Variants in PTPRD observed in about 807,000 individuals in gnomAD.
PTPRD encodes the protein protein tyrosine phosphatase receptor type D.
Under a neutral mutation model 214.5 loss-of-function variants are expected in PTPRD, and 34 were observed. The ratio of observed to expected loss-of-function variants is 0.16; its 90% CI spans 0.12 to 0.21. The LOEUF is 0.21. Among genes scored for constraint, PTPRD ranks in the 10% least tolerant of loss-of-function variants. PTPRD has a pLI of 1.00. For missense variants in PTPRD, 2,545 were observed against 2,398.7 expected, an observed-to-expected ratio of 1.06 and a Z score of -1.27; for synonymous variants, 1,128 against 845.7, an observed-to-expected ratio of 1.33 and a Z score of -5.79.
At chr9:10,602,093 T>C (rs1230895476) in intron 2 of PTPRD, among the ~76,000 whole-genome samples, 1 of 151,822 alleles carries the variant, frequency 6.6e-6, no homozygotes, top group Non-Finnish European at 1.5e-5. Flanking sequence ...CCGATTTTTG[T>C]ATGTATTTTA....
intron 37 of PTPRD, among the ~76,000 whole-genome samples, chr9:8,380,839 G>A (rs543636125): frequency 2.0e-5 from 3 of 151,870 alleles, no homozygotes; most frequent in Non-Finnish European, 2.9e-5. Context: ...CTTAATGAGC[G>A]GTAGCCAACT....
At chr9:10,050,416 C>T (rs570330288) in intron 3 of PTPRD, among the ~76,000 whole-genome samples, 1 of 151,154 alleles carries the variant, frequency 6.6e-6, no homozygotes, top group African/African-American at 2.4e-5. Flanking sequence ...AAAAACTAGC[C>T]AGGCGTGGTG....
intron 6 of PTPRD, among the ~76,000 whole-genome samples, chr9:9,763,379 C>G (rs1464141416): frequency 2.0e-5 from 3 of 152,036 alleles, no homozygotes; most frequent in South Asian, 4.1e-4. Flanking sequence ...CCATATGTAT[C>G]TGTTTTACAT....
Position 8,331,567 on chromosome 9 carries a change from C to CAAATGGAAACTTA in PTPRD, c.5534+2_5534+14dup. ...CCACCACTTATCACTGCTTTATTCACAAATGGAAACTTACCTGCAATGGAC... is the reference window on the plus strand; with the variant it reads ...CCACCACTTATCACTGCTTTATTCACAAATGGAAACTTAAAATGGAAACTTACCTGCAATGGAC... On this transcript the variant is annotated intron_variant, in intron 44 of 45. Transcript: ENST00000381196. 21 of 870,822 alleles carry CAAATGGAAACTTA rather than the reference C, an allele frequency of 2.4e-5. No homozygotes were observed. Among genetic ancestry groups the CAAATGGAAACTTA allele is most frequent in the Non-Finnish European group, 3.1e-5 (21 of 679,710 alleles). 53.9% of individuals were successfully genotyped at this position (870,822 alleles called of 1,614,324 possible). A position where few individuals can be genotyped will look rare whatever the true frequency, so the allele number is the denominator to read the frequency against.
At position 10,383,936 on chromosome 9, in the gene PTPRD, A is replaced by G. The variant is rs369869379; in HGVS notation, c.-599-42919T>C. On this transcript the variant is annotated intron_variant, in intron 2 of 45. Transcript: ENST00000381196. Reference sequence around the variant, plus strand: ...AGAATATTAACCATAGGTTTAATCTACCAAGGAGTTTTGAAAATATCATTT... The same window carrying G: ...AGAATATTAACCATAGGTTTAATCTGCCAAGGAGTTTTGAAAATATCATTT... Among the ~76,000 whole-genome samples, 44 of 151,874 alleles carry G rather than the reference A, an allele frequency of 2.9e-4. No homozygotes were observed. The East Asian group carries it at 7.4e-3, about 26-fold the overall frequency.
chr9:8,855,609 A>C (rs1344008999), intron 11 of PTPRD, among the ~76,000 whole-genome samples: 1 of 152,214 alleles, frequency 6.6e-6, no homozygotes, highest in Non-Finnish European at 1.5e-5. Context: ...GGGCTATAAG[A>C]ACAGATGATT....
rs762711027 is a variant in PTPRD at position 9,117,237 on chromosome 9, T to TTTTTTTG, written c.-143+66066_-143+66067insCAAAAAA. On this transcript the variant is annotated intron_variant, in intron 10 of 45. Coordinates refer to ENST00000381196, the MANE Select transcript of PTPRD (RefSeq NM_002839.4). ...GAAATTAAGTTTTTTTTTTTTTTTG[T>TTTTTTTG]ACTTTCAGGGTATGATTAACTTATA... Among the ~76,000 whole-genome samples the TTTTTTTG allele has an allele frequency of 4.2e-3, 617 of 147,488 alleles. 4 individuals carry two copies. The highest frequency in any genetic ancestry group is 0.015 in the African/African-American group (566 of 38,204).
At chr9:8,999,866 TG>T (rs1239152656) in intron 11 of PTPRD, among the ~76,000 whole-genome samples, 2 of 151,962 alleles carry the variant, frequency 1.3e-5, no homozygotes, top group Non-Finnish European at 2.9e-5. Flanking sequence ...AACAGGGGGA[TG>T]GGGTGTTGAC....
At chr9:8,345,296 T>C (rs986180018) in intron 39 of PTPRD, among the ~76,000 whole-genome samples, 11 of 152,070 alleles carry the variant, frequency 7.2e-5, no homozygotes, top group Non-Finnish European at 1.3e-4. Context: ...CCTACAGTCA[T>C]GCACGCCATA....
intron 3 of PTPRD, among the ~76,000 whole-genome samples, chr9:10,331,973 TCA>T (rs1274032158): frequency 6.6e-6 from 1 of 151,832 alleles, no homozygotes; most frequent in Non-Finnish European, 1.5e-5. Context: ...ATATATCGAA[TCA>T]CAGTTTTTCT....
At chr9:10,091,445 T>G (rs932919434) in intron 3 of PTPRD, among the ~76,000 whole-genome samples, 2 of 151,518 alleles carry the variant, frequency 1.3e-5, no homozygotes, top group African/African-American at 2.4e-5. Flanking sequence ...TATTAGCAAG[T>G]AGAGTTATAT....
At chr9:10,334,470 G>T (rs1260697322) in intron 3 of PTPRD, among the ~76,000 whole-genome samples, 2 of 150,256 alleles carry the variant, frequency 1.3e-5, no homozygotes, top group Admixed American at 6.7e-5. Flanking sequence ...CATCACATTG[G>T]TGAGAAGCTC....
chr9:8,340,764 C>G (rs1204546624), intron 41 of PTPRD, among the ~76,000 whole-genome samples: 1 of 152,048 alleles, frequency 6.6e-6, no homozygotes, highest in Non-Finnish European at 1.5e-5. Context: ...TTAAGAAACA[C>G]TTAGATGTGC....
chr9:9,920,989 ATCAAT>A (rs2082390734), intron 5 of PTPRD, among the ~76,000 whole-genome samples: 2 of 152,156 alleles, frequency 1.3e-5, no homozygotes, highest in African/African-American at 4.8e-5. Flanking sequence ...ACTAAGGCTT[ATCAAT>A]TCATTACTAC....
intron 39 of PTPRD, among the ~76,000 whole-genome samples, chr9:8,353,838 A>ATGTGTATATG (rs756242146): frequency 0.015 from 679 of 46,654 alleles, 30 homozygotes; most frequent in African/African-American, 0.033. Flanking sequence ...ATATGTATAT[A>ATGTGTATATG]TGTATATATG....
intron 2 of PTPRD, among the ~76,000 whole-genome samples, chr9:10,357,345 T>A (rs1366393686): frequency 6.6e-6 from 1 of 152,182 alleles, no homozygotes; most frequent in Non-Finnish European, 1.5e-5. Flanking sequence ...TTCACTTGGA[T>A]TCGTTCCTTG....
At chr9:8,331,842 G>A in intron 43 of PTPRD, 106 bp from the exon 44 acceptor site, 2 of 1,377,138 alleles carry the variant, frequency 1.5e-6, no homozygotes, top group Non-Finnish European at 1.9e-6. Flanking sequence ...AAAACAAAAA[G>A]GGTAGAAAAA....
rs1253970667 is a variant in PTPRD, at chr9:8,621,167, AC to A, written c.352+12149del. 9.2e-5 allele frequency among the ~76,000 whole-genome samples: 14 copies of A among 151,866 alleles called. 1 individual carries two copies. The South Asian group carries it at 2.9e-3, about 32-fold the overall frequency. On this transcript the variant is annotated intron_variant, in intron 14 of 45. Transcript: ENST00000381196. ...GTAAGCCTGTCTCTGCTTCAACTCC[AC>A]ACCAATTACTTCCCCTCCACCATTC...
intron 5 of PTPRD, among the ~76,000 whole-genome samples, chr9:9,795,052 G>A (rs1481904254): frequency 1.3e-5 from 2 of 152,178 alleles, no homozygotes; most frequent in African/African-American, 2.4e-5. Context: ...CCACTCCCAA[G>A]CCCCTGGGAG....
Sources: gnomAD v4.1 joint callset for allele counts (sites outside exome capture counted in the v4.1 genomes callset) on GRCh38, gnomAD v4.1.1 for gene constraint, MANE v1.5 for transcripts, NCBI Gene and HGNC (gene_info 2026-07-23, HGNC 2026-07-21) for gene names.